The following ALK variants were observed in gnomAD, a reference collection of about 807,000 sequenced individuals.
The protein encoded by ALK is ALK tyrosine kinase receptor.
ALK carries 74 observed loss-of-function variants against 163.1 expected under a neutral mutation model. The ratio of observed to expected loss-of-function variants is 0.45; its 90% confidence interval spans 0.38 to 0.55. The LOEUF (loss-of-function observed/expected upper bound fraction) is 0.55. Among genes scored for constraint, ALK ranks in the 20% least tolerant of loss-of-function variants. The probability of loss-of-function intolerance (pLI) is 0.00; values close to 1 mark genes in which losing one functional copy is unlikely to be tolerated. For missense variants in ALK, 2,063 were observed against 2,105.3 expected (o/e 0.98, Z 0.39); for synonymous variants, 960 against 843.2 (o/e 1.14, Z -2.40).
intron 3 of ALK, among the ~76,000 whole-genome samples, chr2:29,623,481 A>ATAGCTAACACATATACGG (rs6146697): frequency 6.6e-6 from 1 of 151,548 alleles, no homozygotes; most frequent in African/African-American, 2.4e-5. Context: ...AAATAAAATG[A>ATAGCTAACACATATACGG]TAGCTCACTT....
intron 1 of ALK, among the ~76,000 whole-genome samples, chr2:29,887,389 G>A (rs1164878076): frequency 6.6e-6 from 1 of 152,122 alleles, no homozygotes; most frequent in Non-Finnish European, 1.5e-5. Context: ...ATGGCGGCTG[G>A]CTTCTCCCAA....
intron 23 of ALK, among the ~76,000 whole-genome samples, chr2:29,217,012 G>A (rs374980566): frequency 1.4e-5 from 2 of 143,702 alleles, no homozygotes; most frequent in Admixed American, 7.0e-5. Context: ...TGGTGTGTGC[G>A]TGAGTGTATG....
At chr2:29,728,013 G>A (rs1052200461) in intron 1 of ALK, among the ~76,000 whole-genome samples, 1 of 152,176 alleles carries the variant, frequency 6.6e-6, no homozygotes, top group African/African-American at 2.4e-5. Flanking sequence ...CCCATTCTAT[G>A]CCTCACCCAC....
intron 3 of ALK, among the ~76,000 whole-genome samples, chr2:29,662,643 C>T (rs917527883): frequency 1.3e-5 from 2 of 152,306 alleles, no homozygotes; most frequent in East Asian, 3.9e-4. Context: ...GCAGTTACAA[C>T]AACCCTCTGG....
At chr2:29,386,628 T>A (rs1466587045) in intron 4 of ALK, among the ~76,000 whole-genome samples, 2 of 152,234 alleles carry the variant, frequency 1.3e-5, no homozygotes, top group Non-Finnish European at 2.9e-5. Context: ...TGACAATGAT[T>A]TCCATTTCTA....
intron 3 of ALK, among the ~76,000 whole-genome samples, chr2:29,669,116 G>C (rs377120020): frequency 1.3e-5 from 2 of 151,994 alleles, no homozygotes; most frequent in Non-Finnish European, 2.9e-5. Flanking sequence ...AGGCACATTA[G>C]ATCTAGTGTG....
At chr2:29,555,352 C>T (rs774395937) in intron 3 of ALK, among the ~76,000 whole-genome samples, 1 of 150,516 alleles carries the variant, frequency 6.6e-6, no homozygotes, top group Non-Finnish European at 1.5e-5. Context: ...ACTTTACCTG[C>T]TAGGCTGCTG....
chr2:29,565,350 A>G (rs1041200653), intron 3 of ALK, among the ~76,000 whole-genome samples: 1 of 152,210 alleles, frequency 6.6e-6, no homozygotes, highest in Non-Finnish European at 1.5e-5. Context: ...GTGAGCACGG[A>G]AGGGCAGGAA....
chr2:29,279,537 A>G (rs1181969791), intron 9 of ALK, among the ~76,000 whole-genome samples: 2 of 152,148 alleles, frequency 1.3e-5, no homozygotes, highest in Admixed American at 6.5e-5. Context: ...GGCAGTCAGC[A>G]GGTAGAGCAG....
At chr2:29,891,379 A>T (rs1214404652) in intron 1 of ALK, among the ~76,000 whole-genome samples, 1 of 152,214 alleles carries the variant, frequency 6.6e-6, no homozygotes, top group Non-Finnish European at 1.5e-5. Flanking sequence ...GCCGGGTGAC[A>T]ATCTCTACTT....
chr2:29,192,778 T>C lies in ALK; in HGVS notation c.*446A>G. 1 of 275,044 alleles carries C rather than the reference T, an allele frequency of 3.6e-6. No homozygotes were observed. The highest frequency in any genetic ancestry group is 5.3e-5 in the East Asian group (1 of 18,722). 17.0% of individuals were successfully genotyped at this position (275,044 alleles called of 1,614,324 possible). A position where few individuals can be genotyped will look rare whatever the true frequency, so the allele number is the denominator to read the frequency against. On this transcript the variant is annotated 3_prime_UTR_variant, in exon 29 of 29. Coordinates refer to ENST00000389048, the MANE Select transcript of ALK (RefSeq NM_004304.5). ...AAAGAATGTCTTTCCCCATGCTTAG[T>C]CATTACAAATAACTCCTTTATTTCC...
At chr2:29,490,087 G>C (rs966483050) in intron 4 of ALK, among the ~76,000 whole-genome samples, 3 of 152,252 alleles carry the variant, frequency 2.0e-5, no homozygotes, top group Non-Finnish European at 4.4e-5. Context: ...CATCCCTGGG[G>C]ACAAGGGACA....
intron 4 of ALK, among the ~76,000 whole-genome samples, chr2:29,387,106 T>C (rs1190063172): frequency 6.6e-6 from 1 of 152,174 alleles, no homozygotes; most frequent in African/African-American, 2.4e-5. Flanking sequence ...GGTGCTTCCA[T>C]CAATCAATGT....
At chr2:29,506,483 A>G (rs1002738206) in intron 4 of ALK, among the ~76,000 whole-genome samples, 6 of 152,206 alleles carry the variant, frequency 3.9e-5, no homozygotes, top group African/African-American at 1.4e-4. Flanking sequence ...GGATTGGCTC[A>G]TGTCTGTAAT....
chr2:29,354,138 C>A (rs559701546), intron 5 of ALK, among the ~76,000 whole-genome samples: 1 of 152,250 alleles, frequency 6.6e-6, no homozygotes, highest in South Asian at 2.1e-4. Context: ...ATTTCTTTGT[C>A]TTTAAGGGGC....
chr2:29,466,988 G>A (rs545885168), intron 4 of ALK, among the ~76,000 whole-genome samples: 1 of 152,112 alleles, frequency 6.6e-6, no homozygotes, highest in Admixed American at 6.5e-5. Flanking sequence ...CTTCTTTTTT[G>A]GGAACTGCCG....
At chr2:29,470,686 T>C (rs1168193147) in intron 4 of ALK, among the ~76,000 whole-genome samples, 2 of 4,966 alleles carry the variant, frequency 4.0e-4, no homozygotes, top group Non-Finnish European at 1.5e-3. Context: ...AACAGCTGAA[T>C]TTTTTTTTTT....
chr2:29,234,439 T>C (rs1380476204), intron 13 of ALK, among the ~76,000 whole-genome samples: 4 of 152,132 alleles, frequency 2.6e-5, no homozygotes, highest in African/African-American at 9.7e-5. Flanking sequence ...CAGACTCAAG[T>C]TTTATTCCCA....
intron 23 of ALK, among the ~76,000 whole-genome samples, chr2:29,217,147 T>G (rs368554264): frequency 1.8e-5 from 2 of 111,560 alleles, no homozygotes; most frequent in Non-Finnish European, 4.1e-5. Context: ...TGTGTGTGTG[T>G]GTAGTGTATG....
Sources: allele counts gnomAD v4.1 joint callset (sites outside exome capture counted in the v4.1 genomes callset), GRCh38; gene constraint gnomAD v4.1.1; transcripts MANE v1.5; gene names NCBI Gene and HGNC (gene_info 2026-07-23, HGNC 2026-07-21).